The following LRP1B variants were observed in gnomAD, a reference collection of about 807,000 sequenced individuals.
LRP1B encodes low-density lipoprotein receptor-related protein 1B.
Under a neutral mutation model 556.6 loss-of-function variants are expected in LRP1B, and 217 were observed. That is an observed-to-expected ratio of 0.39 (90% CI 0.35 to 0.44). The LOEUF (loss-of-function observed/expected upper bound fraction) is 0.44, where lower values mean the gene tolerates loss of function less well. LRP1B is among the 20% of genes least tolerant of loss of function. LRP1B has a pLI of 1.00. For synonymous variants in LRP1B, 2,047 were observed against 1,865.8 expected, an observed-to-expected ratio of 1.10 and a Z score of -2.50; for missense variants, 5,053 against 5,620.8, an observed-to-expected ratio of 0.90 and a Z score of 3.23.
chr2:141,067,728 C>A (rs1031039851), intron 7 of LRP1B, among the ~76,000 whole-genome samples: 4 of 151,994 alleles, frequency 2.6e-5, no homozygotes, highest in African/African-American at 9.7e-5. Flanking sequence ...ATATGGGATT[C>A]AAGTGAAACC....
chr2:142,111,239 T>A (rs1706978966), intron 1 of LRP1B, among the ~76,000 whole-genome samples: 2 of 152,250 alleles, frequency 1.3e-5, no homozygotes, highest in South Asian at 2.1e-4. Context: ...ACTCACAACA[T>A]CCCTTTGAGC....
At chr2:141,593,293 C>T (rs185929343) in intron 2 of LRP1B, among the ~76,000 whole-genome samples, 93 of 152,248 alleles carry the variant, frequency 6.1e-4, no homozygotes, top group African/African-American at 2.1e-3. Context: ...CATTTCATTT[C>T]ATTACTCAAA....
intron 1 of LRP1B, among the ~76,000 whole-genome samples, chr2:141,974,971 AT>A (rs1050099577): frequency 2.6e-5 from 4 of 151,964 alleles, no homozygotes; most frequent in East Asian, 1.9e-4. Context: ...TTGCACATCC[AT>A]TTTTTTATTT....
chr2:141,354,502 A>G, intron 3 of LRP1B, among the ~76,000 whole-genome samples: 1 of 152,128 alleles, frequency 6.6e-6, no homozygotes, highest in East Asian at 1.9e-4. Context: ...AGAACCATTA[A>G]TTAAAGCAAC....
chr2:141,291,035 T>G (rs1317507982), intron 3 of LRP1B, among the ~76,000 whole-genome samples: 1 of 151,586 alleles, frequency 6.6e-6, no homozygotes, highest in African/African-American at 2.4e-5. Flanking sequence ...GAAAAAAAGG[T>G]AAAAAAAATT....
chr2:141,639,337 T>C (rs1255683509), intron 2 of LRP1B, among the ~76,000 whole-genome samples: 405 of 19,170 alleles, frequency 0.021, 7 homozygotes, highest in Middle Eastern at 0.05. Flanking sequence ...TATATATATA[T>C]ATATATATAT....
intron 2 of LRP1B, among the ~76,000 whole-genome samples, chr2:141,527,758 C>A (rs1684738007): frequency 6.6e-6 from 1 of 152,034 alleles, no homozygotes; most frequent in Non-Finnish European, 1.5e-5. Context: ...TGGATTCTTA[C>A]AAGGACCAAA....
chr2:142,048,525 G>A (rs1448450270), intron 1 of LRP1B, among the ~76,000 whole-genome samples: 1 of 152,002 alleles, frequency 6.6e-6, no homozygotes, highest in Non-Finnish European at 1.5e-5. Flanking sequence ...AACACCCTAA[G>A]TATTTAGCAA....
intron 7 of LRP1B, among the ~76,000 whole-genome samples, chr2:141,118,757 T>A (rs1371100541): frequency 6.6e-6 from 1 of 151,930 alleles, no homozygotes; most frequent in Non-Finnish European, 1.5e-5. Context: ...AGATGAGGTA[T>A]CTAAGCATTT....
intron 67 of LRP1B, among the ~76,000 whole-genome samples, chr2:140,381,309 A>C (rs1573869210): frequency 1.3e-5 from 2 of 152,224 alleles, no homozygotes; most frequent in South Asian, 2.1e-4. Context: ...AAACAACATG[A>C]CTGTAGTAAA....
At chr2:141,467,120 A>G (rs903986309) in intron 3 of LRP1B, among the ~76,000 whole-genome samples, 4 of 3,826 alleles carry the variant, frequency 1.0e-3, no homozygotes, top group East Asian at 0.045. Context: ...ATATATATAT[A>G]TATCTATATA....
chr2:141,136,725 T>G (rs1425574842), intron 7 of LRP1B, among the ~76,000 whole-genome samples: 1 of 151,718 alleles, frequency 6.6e-6, no homozygotes, highest in East Asian at 1.9e-4. Flanking sequence ...ATTAGCTACA[T>G]AAATTGCTAT....
At chr2:141,681,434 C>G (rs181567144) in intron 2 of LRP1B, among the ~76,000 whole-genome samples, 146 of 152,020 alleles carry the variant, frequency 9.6e-4, no homozygotes, top group African/African-American at 3.2e-3. Context: ...CTAGAGTTTT[C>G]CAAATTATCT....
At chr2:140,251,871 A>G (rs1004789299) in intron 86 of LRP1B, among the ~76,000 whole-genome samples, 2 of 151,590 alleles carry the variant, frequency 1.3e-5, no homozygotes, top group African/African-American at 4.8e-5. Context: ...AGTATAGTGA[A>G]GAAAATCAGA....
chr2:141,942,598 A>G (rs1700844414), intron 1 of LRP1B, among the ~76,000 whole-genome samples: 1 of 152,198 alleles, frequency 6.6e-6, no homozygotes, highest in Non-Finnish European at 1.5e-5. Flanking sequence ...AGGAACCTGA[A>G]ACTGCAATTC....
intron 2 of LRP1B, among the ~76,000 whole-genome samples, chr2:141,521,243 T>C (rs888895113): frequency 6.6e-6 from 1 of 152,100 alleles, no homozygotes; most frequent in Non-Finnish European, 1.5e-5. Context: ...ACACATAAAA[T>C]TTTAATGAAA....
intron 86 of LRP1B, among the ~76,000 whole-genome samples, chr2:140,258,660 TTATATA>T (rs527388226): frequency 1.5e-3 from 232 of 152,220 alleles, no homozygotes; most frequent in African/African-American, 5.4e-3. Context: ...TCTGTGTTCT[TTATATA>T]TATTACATTT....
chr2:141,202,301 G>A (rs1056215360), intron 6 of LRP1B, among the ~76,000 whole-genome samples: 4 of 149,898 alleles, frequency 2.7e-5, no homozygotes, highest in Non-Finnish European at 6.0e-5. Context: ...TATATTTTCC[G>A]TATCTAGTCT....
intron 29 of LRP1B, among the ~76,000 whole-genome samples, chr2:140,842,239 G>T (rs1692132658): frequency 6.6e-6 from 1 of 152,206 alleles, no homozygotes; most frequent in African/African-American, 2.4e-5. Flanking sequence ...GATCTGTAAA[G>T]TATGCCAACT....
Sources: allele counts gnomAD v4.1 joint callset (sites outside exome capture counted in the v4.1 genomes callset), GRCh38; gene constraint gnomAD v4.1.1; transcripts MANE v1.5; gene names NCBI Gene and HGNC (gene_info 2026-07-23, HGNC 2026-07-21).